CFAP251: variants seen among roughly 807,000 people sequenced by gnomAD.
CFAP251 encodes cilia and flagella associated protein 251, also known as cilia- and flagella-associated protein 251.
Under a neutral mutation model 126.7 loss-of-function variants are expected in CFAP251, and 93 were observed. The observed-to-expected ratio is 0.73, with a 90% CI of 0.62 to 0.87. The LOEUF (loss-of-function observed/expected upper bound fraction) is 0.87, where lower values mean the gene tolerates loss of function less well. Ranked by LOEUF, CFAP251 falls within the 40% of genes least tolerant of loss-of-function variation. The probability of loss-of-function intolerance (pLI) is 0.00; values close to 1 mark genes in which losing one functional copy is unlikely to be tolerated. For synonymous variants in CFAP251, 503 were observed against 506.9 expected (o/e 0.99, Z 0.10); for missense variants, 1,287 against 1,389.2 (o/e 0.93, Z 1.17).
intron 19 of CFAP251, among the ~76,000 whole-genome samples, chr12:121,993,813 G>A (rs1245236276): frequency 1.1e-4 from 13 of 114,764 alleles, no homozygotes; most frequent in South Asian, 9.5e-4. Context: ...TCAGCCCCCC[G>A]CCCGGCCAGC....
At chr12:121,996,345 A>T (rs1883021269) in intron 19 of CFAP251, among the ~76,000 whole-genome samples, 1 of 152,210 alleles carries the variant, frequency 6.6e-6, no homozygotes, top group Admixed American at 6.5e-5. Context: ...TAAAATGTAA[A>T]TGCTAAAATA....
At position 121,934,243 on chromosome 12, in the gene CFAP251, A is replaced by G. The variant is rs773459092; in HGVS notation, c.889-4A>G. Reference sequence around the variant, plus strand: ...TTCAAAGCGTTTTCTCTCCATTTCCATAGGGCCACGCCAATATTATCTCCT... The same window carrying G: ...TTCAAAGCGTTTTCTCTCCATTTCCGTAGGGCCACGCCAATATTATCTCCT... On this transcript the variant is annotated splice_region_variant and splice_polypyrimidine_tract_variant and intron_variant, in intron 4 of 21. Coordinates refer to ENST00000288912, the MANE Select transcript of CFAP251 (RefSeq NM_144668.6). 13 of 1,612,546 alleles carry G rather than the reference A, an allele frequency of 8.1e-6. No individual in the cohort carries two copies. The highest frequency in any genetic ancestry group is 1.6e-4 in the Middle Eastern group (1 of 6,078).
At chr12:121,937,042 T>A (rs529251196) in intron 5 of CFAP251, among the ~76,000 whole-genome samples, 1 of 152,186 alleles carries the variant, frequency 6.6e-6, no homozygotes, top group Non-Finnish European at 1.5e-5. Flanking sequence ...CTTTCCCATT[T>A]GTGAAAAAAG....
chr12:121,934,360 G>C lies in CFAP251; in HGVS notation c.998+4G>C. On this transcript the variant is annotated splice_donor_region_variant and intron_variant, in intron 5 of 21. Transcript: ENST00000288912. The stretch of plus-strand genomic sequence containing the variant: ...TTATATGGGACTCCTTCACAGGGTA[G>C]GCTTTGTGTAGCCACTTCTTTTTTC... 3 of 1,608,174 alleles carry C rather than the reference G, an allele frequency of 1.9e-6. No individual in the cohort carries two copies. Among genetic ancestry groups the C allele is most frequent in the Non-Finnish European group, 1.7e-6 (2 of 1,175,196 alleles).
At chr12:121,984,109 C>A (rs1593002816) in intron 19 of CFAP251, among the ~76,000 whole-genome samples, 1 of 152,118 alleles carries the variant, frequency 6.6e-6, no homozygotes, top group South Asian at 2.1e-4. Flanking sequence ...TTATTGATAT[C>A]TTTCTTACGT....
At chr12:121,967,409 A>T (rs1453465373) in intron 16 of CFAP251, among the ~76,000 whole-genome samples, 2 of 152,256 alleles carry the variant, frequency 1.3e-5, no homozygotes, top group Non-Finnish European at 2.9e-5. Context: ...TGCGTTGAAA[A>T]GTGTAAAGTC....
At chr12:121,987,108 G>A (rs1413125964) in intron 19 of CFAP251, among the ~76,000 whole-genome samples, 1 of 152,128 alleles carries the variant, frequency 6.6e-6, no homozygotes, top group Non-Finnish European at 1.5e-5. Context: ...AGAAGCACAG[G>A]GACAATTTCT....
chr12:121,951,998 A>G (rs912971425), intron 9 of CFAP251, among the ~76,000 whole-genome samples: 3 of 152,044 alleles, frequency 2.0e-5, no homozygotes, highest in Admixed American at 1.3e-4. Flanking sequence ...CTGGGATTAC[A>G]GGCGTGAGCC....
intron 13 of CFAP251, among the ~76,000 whole-genome samples, chr12:121,959,891 G>A (rs139684642): frequency 8.5e-5 from 13 of 152,260 alleles, no homozygotes; most frequent in Admixed American, 2.6e-4. Context: ...TTGGGAGGTC[G>A]AGGCAGTCAG....
intron 19 of CFAP251, chr12:121,998,881 C>T (rs1229562489): frequency 2.5e-5 from 3 of 117,932 alleles, no homozygotes; most frequent in Non-Finnish European, 4.8e-5. Context: ...AAGAGTGAGA[C>T]CCTGTATCAA....
In CFAP251 at chr12:121,972,725, T is replaced by C. The variant is rs1388585456; in HGVS notation, c.2772-2519T>C. 2.0e-5 allele frequency among the ~76,000 whole-genome samples: 3 copies of C among 152,118 alleles called. No homozygotes were observed. In the East Asian group the frequency reaches 5.8e-4, roughly 29 times the overall value. ...GGATGGTCTTGATCTCCTGACCTCG[T>C]GATCCACCTGCCTCGGCCTCCCAAA... On this transcript the variant is annotated intron_variant, in intron 17 of 21. Coordinates refer to ENST00000288912, the MANE Select transcript of CFAP251 (RefSeq NM_144668.6).
chr12:121,968,143 G>T lies in CFAP251; in HGVS notation c.2745G>T (p.Ser915=). Residue 915 remains serine, a synonymous_variant, in exon 17 of 22, where the codon TCG becomes TCT. Transcript: ENST00000288912. ...TCACTGCGGGAGGGCACGATCGCTC[G>T]GTGGTGCAGTGGAAAATCACCTTAA... ...YAFTAGGHDR[S]VVQWKITLSV... is the part of the protein sequence containing the mutation. 1 of 1,608,986 alleles carries T rather than the reference G, an allele frequency of 6.2e-7. No individual in the cohort carries two copies. The highest frequency in any genetic ancestry group is 1.1e-5 in the South Asian group (1 of 90,912).
chr12:121,960,105 C>T (rs535963886), intron 13 of CFAP251, among the ~76,000 whole-genome samples: 5 of 152,072 alleles, frequency 3.3e-5, no homozygotes, highest in Admixed American at 6.6e-5. Context: ...TGCACTCTAG[C>T]CTGGGCAACA....
intron 8 of CFAP251, 83 bp from the exon 9 acceptor site, chr12:121,951,397 T>G: frequency 2.2e-6 from 2 of 921,168 alleles, no homozygotes; most frequent in Non-Finnish European, 3.3e-6. Flanking sequence ...TTTAGATGTA[T>G]TTGTTTTGCT....
At position 121,975,250 on chromosome 12, in the gene CFAP251, G is replaced by A; in HGVS notation, c.2778G>A (p.Leu926=). 1.9e-6 allele frequency: 3 copies of A among 1,613,916 alleles called. No homozygotes were observed. Among genetic ancestry groups the A allele is most frequent in the South Asian group, 1.1e-5 (1 of 91,048 alleles). ...ATTTCTGTTGTTGTTCCAGTGTCCT[G>A]GAGGCAGCGGTTTCTCTTGGGGGTG... is the stretch of plus-strand genomic sequence containing the variant. ...VVQWKITLSV[L]EAAVSLGGED... The change falls in exon 18 of 22, where the codon CTG becomes CTA. Residue 926 remains leucine, a synonymous_variant. Transcript: ENST00000288912.
In CFAP251 at chr12:121,999,575, A is replaced by T. The variant is rs1883101914; in HGVS notation, c.3007-141A>T. 4.9e-6 allele frequency: 3 copies of T among 606,476 alleles called. No individual in the cohort carries two copies. The African/African-American group carries it at 5.6e-5, about 11-fold the overall frequency. The allele number at this position is 606,476 out of a possible 1,614,324, so 37.6% of individuals were successfully genotyped here. ...GGTCTCAAACTCCTGGCCTCAAGTG[A>T]TCCTTTGGCCACGGCCTCCCAAAGT... On this transcript the variant is annotated intron_variant, in intron 19 of 21. Transcript: ENST00000288912.
intron 19 of CFAP251, chr12:121,992,389 G>A: frequency 1.0e-6 from 1 of 985,374 alleles, no homozygotes; most frequent in Non-Finnish European, 1.2e-6. Context: ...GGAAGAGAGA[G>A]TAAGAGGTGA....
intron 4 of CFAP251, chr12:121,932,848 T>C (rs1352874362): frequency 6.6e-6 from 1 of 152,308 alleles, no homozygotes; most frequent in Non-Finnish European, 1.5e-5. Flanking sequence ...ATTGAATGCA[T>C]GGCACTGAAC....
At chr12:121,987,255 A>T (rs1159831784) in intron 19 of CFAP251, among the ~76,000 whole-genome samples, 1 of 152,082 alleles carries the variant, frequency 6.6e-6, no homozygotes, top group African/African-American at 2.4e-5. Flanking sequence ...CCAGTGTTCT[A>T]GGGGAGGCCT....
Sources: allele counts gnomAD v4.1 joint callset (sites outside exome capture counted in the v4.1 genomes callset), GRCh38; gene constraint gnomAD v4.1.1; transcripts MANE v1.5; gene names NCBI Gene and HGNC (gene_info 2026-07-23, HGNC 2026-07-21).